Variants in GULP1 observed in about 807,000 individuals in gnomAD.
The protein encoded by GULP1 is PTB domain-containing engulfment adapter protein 1.
GULP1 carries 19 observed loss-of-function variants against 40.9 expected under a neutral mutation model. The ratio of observed to expected loss-of-function variants is 0.46; its 90% CI spans 0.32 to 0.68. GULP1 has a LOEUF of 0.68. Among genes scored for constraint, GULP1 ranks in the 30% least tolerant of loss-of-function variants. GULP1 has a pLI of 0.03. For missense variants in GULP1, 312 were observed against 362.2 expected, an observed-to-expected ratio of 0.86 and a Z score of 1.12; for synonymous variants, 119 against 117.6, an observed-to-expected ratio of 1.01 and a Z score of -0.08.
chr2:188,315,396 A>T (rs1559101944), intron 1 of GULP1, among the ~76,000 whole-genome samples: 1 of 152,148 alleles, frequency 6.6e-6, no homozygotes, highest in Admixed American at 6.6e-5. Flanking sequence ...GGTTTCAGGC[A>T]TCCACTGGGG....
intron 2 of GULP1, among the ~76,000 whole-genome samples, chr2:188,399,708 A>AAAAAAAC (rs2051894506): frequency 6.7e-6 from 1 of 150,214 alleles, no homozygotes; most frequent in African/African-American, 2.4e-5. Flanking sequence ...AAAAAAAAAA[A>AAAAAAAC]AAAAAACATC....
rs572792185 is a variant in GULP1 at position 188,383,789 on chromosome 2, T to C, written c.-145T>C. On this transcript the variant is annotated 5_prime_UTR_variant, in exon 2 of 12. Coordinates refer to ENST00000409830, the MANE Select transcript of GULP1 (RefSeq NM_016315.4). ...TATTTATGATTCCATCTGATATACA[T>C]AGGAGAGAAACTGATAGAAGAATTC... 33 of 152,272 alleles carry C rather than the reference T, an allele frequency of 2.2e-4. No homozygotes were observed. The highest frequency in any genetic ancestry group is 7.2e-4 in the African/African-American group (30 of 41,574). 9.4% of individuals were successfully genotyped at this position (152,272 alleles called of 1,614,324 possible). A position where few individuals can be genotyped will look rare whatever the true frequency, so the allele number is the denominator to read the frequency against.
At chr2:188,501,076 C>G (rs1395247727) in intron 4 of GULP1, among the ~76,000 whole-genome samples, 1 of 151,828 alleles carries the variant, frequency 6.6e-6, no homozygotes, top group Non-Finnish European at 1.5e-5. Flanking sequence ...ACTATTATGG[C>G]TCCCATTTTA....
intron 4 of GULP1, among the ~76,000 whole-genome samples, chr2:188,487,105 T>G (rs1030951897): frequency 2.0e-5 from 3 of 152,048 alleles, no homozygotes; most frequent in Non-Finnish European, 4.4e-5. Flanking sequence ...CAATTTTTTA[T>G]GAGAATGCTA....
chr2:188,328,077 A>G (rs1394547404), intron 1 of GULP1, among the ~76,000 whole-genome samples: 7 of 152,102 alleles, frequency 4.6e-5, no homozygotes, highest in African/African-American at 1.7e-4. Flanking sequence ...AGAGAGAGGA[A>G]ACACCACCAT....
intron 9 of GULP1, among the ~76,000 whole-genome samples, chr2:188,574,161 G>A (rs905142867): frequency 1.3e-5 from 2 of 152,032 alleles, no homozygotes; most frequent in East Asian, 3.8e-4. Context: ...AGTCTCTTTG[G>A]GGAAAGGGAA....
chr2:188,491,433 C>T (rs1023937547), intron 4 of GULP1: 2 of 151,574 alleles, frequency 1.3e-5, no homozygotes, highest in African/African-American at 2.4e-5. Flanking sequence ...GTTTTCTTAA[C>T]AGAGAACGTA....
intron 1 of GULP1, among the ~76,000 whole-genome samples, chr2:188,305,996 T>G (rs1334218326): frequency 6.6e-6 from 1 of 152,144 alleles, no homozygotes; most frequent in Non-Finnish European, 1.5e-5. Context: ...CAGGCTGGTC[T>G]CGAATTCCTG....
chr2:188,542,876 A>G (rs1458163997), intron 7 of GULP1, among the ~76,000 whole-genome samples: 2 of 152,128 alleles, frequency 1.3e-5, no homozygotes, highest in African/African-American at 4.8e-5. Context: ...CACCTACATA[A>G]AGCAGTAAAC....
At chr2:188,534,465 A>G (rs562787313) in intron 6 of GULP1, among the ~76,000 whole-genome samples, 2 of 152,144 alleles carry the variant, frequency 1.3e-5, no homozygotes, top group Admixed American at 1.3e-4. Flanking sequence ...ATGATGCAAC[A>G]GTAGTTTCTG....
intron 1 of GULP1, among the ~76,000 whole-genome samples, chr2:188,377,836 A>G (rs1291788503): frequency 6.6e-6 from 1 of 152,210 alleles, no homozygotes; most frequent in Non-Finnish European, 1.5e-5. Flanking sequence ...TTTCCTATTG[A>G]ATTAAAATAA....
intron 4 of GULP1, among the ~76,000 whole-genome samples, chr2:188,520,195 A>G (rs1418971042): frequency 6.6e-6 from 1 of 152,126 alleles, no homozygotes; most frequent in Admixed American, 6.5e-5. Flanking sequence ...GCCTGTTCAT[A>G]TCTTATCTAG....
chr2:188,478,060 A>T (rs2061162611), intron 3 of GULP1, among the ~76,000 whole-genome samples: 1 of 152,088 alleles, frequency 6.6e-6, no homozygotes, highest in Admixed American at 6.6e-5. Context: ...ATAATACTAA[A>T]TTCCCTGGGC....
intron 6 of GULP1, among the ~76,000 whole-genome samples, chr2:188,536,659 A>C (rs963148044): frequency 2.0e-5 from 3 of 152,120 alleles, no homozygotes; most frequent in Non-Finnish European, 4.4e-5. Flanking sequence ...TGCTCTGGCT[A>C]TTCAGGCCCT....
At chr2:188,462,616 A>G (rs1156867433) in intron 2 of GULP1, among the ~76,000 whole-genome samples, 1 of 152,128 alleles carries the variant, frequency 6.6e-6, no homozygotes. Flanking sequence ...GTGCATATAT[A>G]TTTAAAATTG....
At chr2:188,304,579 A>G (rs1251457466) in intron 1 of GULP1, among the ~76,000 whole-genome samples, 1 of 152,192 alleles carries the variant, frequency 6.6e-6, no homozygotes, top group Non-Finnish European at 1.5e-5. Flanking sequence ...GTTGAATGCC[A>G]ACTGGACAGT....
intron 2 of GULP1, among the ~76,000 whole-genome samples, chr2:188,424,097 A>G (rs1232158528): frequency 6.6e-6 from 1 of 151,902 alleles, no homozygotes; most frequent in Non-Finnish European, 1.5e-5. Context: ...TAAGTCATTC[A>G]GTGAAATTAG....
At chr2:188,465,795 A>C (rs1021048521) in intron 2 of GULP1, among the ~76,000 whole-genome samples, 2 of 152,088 alleles carry the variant, frequency 1.3e-5, no homozygotes, top group Non-Finnish European at 2.9e-5. Flanking sequence ...CAATGCTCTC[A>C]GAAACACCAG....
chr2:188,497,150 G>A (rs2062977755), intron 4 of GULP1, among the ~76,000 whole-genome samples: 1 of 151,978 alleles, frequency 6.6e-6, no homozygotes, highest in Non-Finnish European at 1.5e-5. Flanking sequence ...AAGAAAAAAC[G>A]TATAGCAGAA....
Sources: gnomAD v4.1 joint callset for allele counts (sites outside exome capture counted in the v4.1 genomes callset) on GRCh38, gnomAD v4.1.1 for gene constraint, MANE v1.5 for transcripts, NCBI Gene and HGNC (gene_info 2026-07-23, HGNC 2026-07-21) for gene names.